RNF111: variants seen among roughly 807,000 people sequenced by gnomAD.
RNF111 encodes ring finger protein 111.
A neutral mutation model predicts 95.1 loss-of-function variants in RNF111; 17 were observed. That is an observed-to-expected ratio of 0.18 (90% CI 0.12 to 0.27). The LOEUF (loss-of-function observed/expected upper bound fraction) is 0.27. Ranked by LOEUF, RNF111 falls within the 10% of genes least tolerant of loss-of-function variation. The pLI is 1.00. For synonymous variants in RNF111, 440 were observed against 414.8 expected, an observed-to-expected ratio of 1.06 and a Z score of -0.74; for missense variants, 1,189 against 1,210.4, an observed-to-expected ratio of 0.98 and a Z score of 0.26.
chr15:59,081,311 G>C, intron 8 of RNF111, 27 bp downstream of exon 8: 1 of 1,588,754 alleles, frequency 6.3e-7, no homozygotes, highest in Middle Eastern at 1.7e-4. Flanking sequence ...TAAAAAGAAA[G>C]TCAAGTTTGC....
chr15:59,015,364 T>C (rs1177238307), intron 1 of RNF111, among the ~76,000 whole-genome samples: 4 of 152,172 alleles, frequency 2.6e-5, no homozygotes, highest in Non-Finnish European at 5.9e-5. Context: ...ACATATAGTT[T>C]TACAATAGTA....
At chr15:59,069,006 G>A (rs549104682) in intron 6 of RNF111, among the ~76,000 whole-genome samples, 18 of 150,762 alleles carry the variant, frequency 1.2e-4, no homozygotes, top group African/African-American at 4.4e-4. Context: ...CGTGGGAGGC[G>A]GAGATTGCAG....
At chr15:59,078,866 GAAAAA>G (rs58594305) in intron 7 of RNF111, among the ~76,000 whole-genome samples, 12 of 103,888 alleles carry the variant, frequency 1.2e-4, no homozygotes, top group Non-Finnish European at 2.3e-4. Context: ...CTCAAAAGAA[GAAAAA>G]AAAAAAAAAA....
At chr15:59,068,692 C>G (rs1282155593) in intron 6 of RNF111, among the ~76,000 whole-genome samples, 1 of 152,050 alleles carries the variant, frequency 6.6e-6, no homozygotes, top group Non-Finnish European at 1.5e-5. Context: ...GGCCAAGCTA[C>G]CACTTTTCTA....
intron 5 of RNF111, among the ~76,000 whole-genome samples, chr15:59,064,496 A>C (rs1056625921): frequency 4.2e-5 from 6 of 144,512 alleles, no homozygotes; most frequent in Non-Finnish European, 7.4e-5. Context: ...AGATTGCGCC[A>C]CTGCACTCTA....
rs770477997 is a variant in RNF111, at chr15:59,058,338, A to C, written c.1172-18A>C. On this transcript the variant is annotated intron_variant, in intron 4 of 13. Coordinates refer to ENST00000348370, the MANE Select transcript of RNF111 (RefSeq NM_017610.8). ...TAATTTGTTTTGAAATGCTAAGTTG[A>C]CATTTTGTATTTTGTAGAACCTACT... is the stretch of plus-strand genomic sequence containing the variant. 1.2e-6 allele frequency: 2 copies of C among 1,605,350 alleles called. No homozygotes were observed. The highest frequency in any genetic ancestry group is 2.2e-5 in the East Asian group (1 of 44,804).
intron 2 of RNF111, among the ~76,000 whole-genome samples, chr15:59,048,414 G>GAGC (rs1382305259): frequency 6.6e-6 from 1 of 152,198 alleles, no homozygotes; most frequent in Non-Finnish European, 1.5e-5. Context: ...TAATGACAGA[G>GAGC]AGCAGATCAG....
At chr15:59,051,162 A>G (rs1424056333) in intron 2 of RNF111, among the ~76,000 whole-genome samples, 1 of 152,202 alleles carries the variant, frequency 6.6e-6, no homozygotes, top group Non-Finnish European at 1.5e-5. Flanking sequence ...TTTAAAAATG[A>G]CAAATTTTGC....
chr15:59,065,727 C>G (rs2042627055), intron 5 of RNF111, among the ~76,000 whole-genome samples: 2 of 152,110 alleles, frequency 1.3e-5, no homozygotes, highest in Non-Finnish European at 2.9e-5. Context: ...AGATAATGGC[C>G]CAGACATGGT....
intron 6 of RNF111, among the ~76,000 whole-genome samples, chr15:59,072,612 G>T (rs1023564139): frequency 4.0e-5 from 6 of 151,552 alleles, no homozygotes; most frequent in Non-Finnish European, 7.4e-5. Flanking sequence ...CACCACGCCT[G>T]GCTAATTTTT....
intron 2 of RNF111, among the ~76,000 whole-genome samples, chr15:59,044,790 A>C (rs1156962173): frequency 6.6e-6 from 1 of 152,220 alleles, no homozygotes; most frequent in African/African-American, 2.4e-5. Flanking sequence ...CTATTTAATA[A>C]GATTAACTTT....
In RNF111 at chr15:59,031,252, A is replaced by C. The variant is rs755908608; in HGVS notation, c.430A>C (p.Ser144Arg). Residue 144 changes from serine to arginine, a missense_variant, in exon 2 of 14, where the codon AGT becomes CGT. Physicochemically the swap from Ser to Arg is moderately radical, Grantham distance 110. Around this residue, in one of 2 missense-constraint regions of RNF111, gnomAD observed 1,024 missense variants for 925.9 expected, o/e 1.11. Transcript: ENST00000348370. ...TGATTGTCTTTCTTCTCCTTCATCT[A>C]GTCTGCATTTTGGAGATTCTGATAC... ...FSDCLSSPSS[S>R]LHFGDSDTVT... 4 of 1,614,146 alleles carry C rather than the reference A, an allele frequency of 2.5e-6. No individual in the cohort carries two copies. The highest frequency in any genetic ancestry group is 3.4e-6 in the Non-Finnish European group (4 of 1,180,030).
At chr15:59,061,707 C>G (rs2042445271) in intron 5 of RNF111, among the ~76,000 whole-genome samples, 1 of 152,034 alleles carries the variant, frequency 6.6e-6, no homozygotes, top group Non-Finnish European at 1.5e-5. Context: ...TGTCCTTAAC[C>G]TTGCTTTAAC....
At position 59,031,008 on chromosome 15, in the gene RNF111, T is replaced by G. The variant is rs749919129; in HGVS notation, c.186T>G (p.Asn62Lys). The G allele has an allele frequency of 6.2e-7, 1 of 1,614,222 alleles. No individual in the cohort carries two copies. The highest frequency in any genetic ancestry group is 8.5e-7 in the Non-Finnish European group (1 of 1,180,030). ...AGATGATTAATAGTAAAGTGGGGAA[T>G]GAATTCTCTCACCTGTGTGATGATT... is the stretch of plus-strand genomic sequence containing the variant. ...GVEMINSKVG[N>K]EFSHLCDDSQ... Residue 62 changes from asparagine to lysine, a missense_variant, in exon 2 of 14, where the codon AAT (asparagine) becomes AAG (lysine). Around this residue, in one of 2 missense-constraint regions of RNF111, gnomAD observed 1,024 missense variants for 925.9 expected, o/e 1.11. Transcript: ENST00000348370.
At chr15:59,043,976 A>G (rs2041589521) in intron 2 of RNF111, among the ~76,000 whole-genome samples, 1 of 152,200 alleles carries the variant, frequency 6.6e-6, no homozygotes, top group Admixed American at 6.5e-5. Flanking sequence ...GAGGCTAGAC[A>G]TGCATAATAC....
intron 10 of RNF111, among the ~76,000 whole-genome samples, chr15:59,086,519 C>T (rs2140211801): frequency 6.6e-6 from 1 of 152,334 alleles, no homozygotes; most frequent in Non-Finnish European, 1.5e-5. Flanking sequence ...GCAAAACATA[C>T]ATTGCGTTTG....
intron 1 of RNF111, among the ~76,000 whole-genome samples, chr15:59,001,228 TGAG>T (rs139780739): frequency 0.012 from 1,866 of 152,188 alleles, 36 homozygotes; most frequent in African/African-American, 0.038. Context: ...GTGGAGTAGG[TGAG>T]GAGGAGAATG....
chr15:59,033,548 A>G (rs151012788), intron 2 of RNF111, among the ~76,000 whole-genome samples: 1 of 152,320 alleles, frequency 6.6e-6, no homozygotes, highest in South Asian at 2.1e-4. Flanking sequence ...GAATGTGCAT[A>G]TACTAGTTTT....
chr15:59,046,063 C>T (rs1424077933), intron 2 of RNF111, among the ~76,000 whole-genome samples: 1 of 151,762 alleles, frequency 6.6e-6, no homozygotes, highest in Non-Finnish European at 1.5e-5. Context: ...TTGATAATAA[C>T]ATTTCGCAAA....
Sources: gnomAD v4.1 joint callset for allele counts (sites outside exome capture counted in the v4.1 genomes callset) on GRCh38, gnomAD v4.1.1 for gene constraint, gnomAD v4.1.1 regional missense constraint, MANE v1.5 for transcripts, NCBI Gene and HGNC (gene_info 2026-07-23, HGNC 2026-07-21) for gene names.